Variants in SLC2A13 observed in about 807,000 individuals in gnomAD.
The protein encoded by SLC2A13 is proton myo-inositol cotransporter.
Under a neutral mutation model 64.4 loss-of-function variants are expected in SLC2A13, and 32 were observed. That is an observed-to-expected ratio of 0.50 (90% CI 0.37 to 0.67). The LOEUF is 0.67. Ranked by LOEUF, SLC2A13 falls within the 30% of genes least tolerant of loss-of-function variation. The pLI, the probability that SLC2A13 is intolerant of heterozygous loss-of-function variation, is 0.00. For synonymous variants in SLC2A13, 338 were observed against 327.1 expected (o/e 1.03, Z -0.36); for missense variants, 743 against 829.2 (o/e 0.90, Z 1.28).
chr12:40,089,035 T>G (rs1938678592), intron 1 of SLC2A13, among the ~76,000 whole-genome samples: 1 of 152,176 alleles, frequency 6.6e-6, no homozygotes, highest in African/African-American at 2.4e-5. Flanking sequence ...GAGCACAAGA[T>G]TATTTGCAAG....
At chr12:40,073,328 A>G (rs1416257416) in intron 1 of SLC2A13, among the ~76,000 whole-genome samples, 1 of 152,130 alleles carries the variant, frequency 6.6e-6, no homozygotes, top group Non-Finnish European at 1.5e-5. Flanking sequence ...AGGAGAAAAA[A>G]TACTGGGGGG....
chr12:39,829,389 A>ATTTTTTTTTTTT (rs1452679878), intron 7 of SLC2A13: 1 of 65,780 alleles, frequency 1.5e-5, no homozygotes, highest in Non-Finnish European at 2.8e-5. Context: ...TGTGATAGTA[A>ATTTTTTTTTTTT]TTCTTTTTTT....
chr12:39,909,702 G>T (rs927284929), intron 4 of SLC2A13, among the ~76,000 whole-genome samples: 1 of 152,072 alleles, frequency 6.6e-6, no homozygotes, highest in African/African-American at 2.4e-5. Flanking sequence ...CCCACTAAGT[G>T]TTCTGCACAG....
intron 3 of SLC2A13, among the ~76,000 whole-genome samples, chr12:39,962,279 C>T (rs1312982797): frequency 6.6e-6 from 1 of 152,098 alleles, no homozygotes; most frequent in African/African-American, 2.4e-5. Flanking sequence ...TTAGTAGAGA[C>T]AGGGTTTCAC....
At chr12:40,056,805 A>G (rs1948339670) in intron 1 of SLC2A13, among the ~76,000 whole-genome samples, 1 of 152,192 alleles carries the variant, frequency 6.6e-6, no homozygotes, top group Non-Finnish European at 1.5e-5. Flanking sequence ...TATTGAAGGA[A>G]ATACTAGAGT....
intron 6 of SLC2A13, among the ~76,000 whole-genome samples, chr12:39,842,848 AT>A (rs535561786): frequency 5.0e-4 from 76 of 152,126 alleles, no homozygotes; most frequent in Non-Finnish European, 8.4e-4. Context: ...TGGACATTTT[AT>A]ATCAATGTAA....
rs73274686 is a variant in SLC2A13, at chr12:39,865,018, A to G, written c.1199-136T>C. 4,470 of 750,920 alleles carry G rather than the reference A, an allele frequency of 6.0e-3. 168 individuals carry two copies. The African/African-American group carries it at 0.072, about 12-fold the overall frequency. The allele number at this position is 750,920 out of a possible 1,614,324, so 46.5% of individuals were successfully genotyped here. On this transcript the variant is annotated intron_variant, in intron 5 of 9. Transcript: ENST00000280871. ...AAAAAAAATACCGTGCTCTATCTTC[A>G]CTGGATTTTTAAAAAGTACTCCCAA...
At chr12:39,808,779 ATTTAT>A (rs1221440827) in intron 7 of SLC2A13, among the ~76,000 whole-genome samples, 25 of 151,836 alleles carry the variant, frequency 1.6e-4, no homozygotes, top group Admixed American at 1.5e-3. Flanking sequence ...AGGTTGCTTT[ATTTAT>A]TTTAAGTTGT....
chr12:40,016,639 TATA>T (rs942209485), intron 3 of SLC2A13, among the ~76,000 whole-genome samples: 1 of 152,204 alleles, frequency 6.6e-6, no homozygotes, highest in African/African-American at 2.4e-5. Flanking sequence ...TGTACATACC[TATA>T]ATAAGGGCCT....
intron 1 of SLC2A13, among the ~76,000 whole-genome samples, chr12:40,075,037 A>AT (rs1286788196): frequency 2.0e-5 from 3 of 152,116 alleles, no homozygotes; most frequent in Non-Finnish European, 4.4e-5. Context: ...GTTTTAACTA[A>AT]TTTTTTCTGA....
At chr12:39,851,853 A>AT (rs1943478753) in intron 6 of SLC2A13, among the ~76,000 whole-genome samples, 1 of 152,214 alleles carries the variant, frequency 6.6e-6, no homozygotes, top group Non-Finnish European at 1.5e-5. Context: ...TGTGTCAAGA[A>AT]TTTTTAAAAA....
intron 3 of SLC2A13, among the ~76,000 whole-genome samples, chr12:39,963,371 G>A (rs1946451406): frequency 6.6e-6 from 1 of 150,944 alleles, no homozygotes; most frequent in African/African-American, 2.4e-5. Flanking sequence ...TCACATTTAA[G>A]ATTCCACAAA....
At chr12:39,850,505 T>C (rs1358172765) in intron 6 of SLC2A13, among the ~76,000 whole-genome samples, 1 of 152,162 alleles carries the variant, frequency 6.6e-6, no homozygotes, top group East Asian at 1.9e-4. Flanking sequence ...TTCTGAATTT[T>C]ACTCTAGTCA....
At chr12:39,918,931 T>C (rs1945565521) in intron 4 of SLC2A13, among the ~76,000 whole-genome samples, 2 of 148,226 alleles carry the variant, frequency 1.3e-5, no homozygotes, top group African/African-American at 5.0e-5. Context: ...TTTCAGGTTA[T>C]ACACGCGCAC....
In SLC2A13 at chr12:40,047,619, T is replaced by A. The variant is rs76057180; in HGVS notation, c.716+432A>T. Among the ~76,000 whole-genome samples, 1,150 of 152,310 alleles carry A rather than the reference T, an allele frequency of 7.6e-3. 14 individuals are homozygous for A. The highest frequency in any genetic ancestry group is 0.026 in the African/African-American group (1,088 of 41,558). On this transcript the variant is annotated intron_variant, in intron 2 of 9. Coordinates refer to ENST00000280871, the MANE Select transcript of SLC2A13 (RefSeq NM_052885.4). Reference sequence around the variant, plus strand: ...ACTCATGTATATCTTTTTATAGAGGTATATTTTTATCTTTAAACACTACGT... The same window carrying A: ...ACTCATGTATATCTTTTTATAGAGGAATATTTTTATCTTTAAACACTACGT...
chr12:39,972,496 T>C (rs1946681221), intron 3 of SLC2A13, among the ~76,000 whole-genome samples: 1 of 152,198 alleles, frequency 6.6e-6, no homozygotes, highest in African/African-American at 2.4e-5. Context: ...TCTTGGCCCA[T>C]ATCATCTGCC....
intron 1 of SLC2A13, chr12:40,068,517 C>T: frequency 4.0e-6 from 1 of 249,032 alleles, no homozygotes; most frequent in Non-Finnish European, 8.3e-6. Flanking sequence ...GACATACTTT[C>T]CACTTTTCAT....
At chr12:40,003,181 T>A in intron 3 of SLC2A13, among the ~76,000 whole-genome samples, 1 of 152,308 alleles carries the variant, frequency 6.6e-6, no homozygotes, top group East Asian at 1.9e-4. Flanking sequence ...AACAGTTATA[T>A]AATCAGGAAT....
chr12:40,099,629 TTA>T (rs1397755682), intron 1 of SLC2A13, among the ~76,000 whole-genome samples: 1 of 152,146 alleles, frequency 6.6e-6, no homozygotes, highest in African/African-American at 2.4e-5. Context: ...CAGACTTACG[TTA>T]TCTTACTGAC....
Sources: gnomAD v4.1 joint callset for allele counts (sites outside exome capture counted in the v4.1 genomes callset) on GRCh38, gnomAD v4.1.1 for gene constraint, MANE v1.5 for transcripts, NCBI Gene and HGNC (gene_info 2026-07-23, HGNC 2026-07-21) for gene names.